FLRT1: variants seen among roughly 807,000 people sequenced by gnomAD.
FLRT1 encodes the protein leucine-rich repeat transmembrane protein FLRT1.
In FLRT1, 14 loss-of-function variants were observed where a neutral mutation model predicts 30.9. That is an observed-to-expected ratio of 0.45 (90% CI 0.30 to 0.71). The LOEUF (loss-of-function observed/expected upper bound fraction) is 0.71. FLRT1 is among the 30% of genes least tolerant of loss of function. FLRT1 has a pLI of 0.08. For synonymous variants in FLRT1, 368 were observed against 430.4 expected (o/e 0.85, Z 1.80); for missense variants, 737 against 949.2 (o/e 0.78, Z 2.94).
intron 1 of FLRT1, among the ~76,000 whole-genome samples, chr11:64,056,544 G>A (rs549716937): frequency 3.3e-5 from 5 of 152,328 alleles, no homozygotes; most frequent in South Asian, 4.1e-4. Flanking sequence ...GGCAACAGCC[G>A]GGGGCCTGGC....
chr11:64,102,232 C>T (rs936043767), intron 1 of FLRT1, among the ~76,000 whole-genome samples: 2 of 152,298 alleles, frequency 1.3e-5, no homozygotes, highest in Middle Eastern at 3.4e-3. Flanking sequence ...ACCAGGGCGC[C>T]GCGGCCCTTC....
intron 1 of FLRT1, among the ~76,000 whole-genome samples, chr11:64,042,826 G>T (rs1393926968): frequency 6.6e-6 from 1 of 152,158 alleles, no homozygotes; most frequent in Non-Finnish European, 1.5e-5. Flanking sequence ...CCCCCACCAG[G>T]CTTGGGCTAG....
At chr11:64,060,132 T>TA (rs1216616985) in intron 1 of FLRT1, among the ~76,000 whole-genome samples, 1 of 152,366 alleles carries the variant, frequency 6.6e-6, no homozygotes, top group East Asian at 1.9e-4. Flanking sequence ...TTTGTTTAAT[T>TA]AGTGTTCTGT....
chr11:64,047,440 G>A (rs72916402), intron 1 of FLRT1, among the ~76,000 whole-genome samples: 124 of 152,228 alleles, frequency 8.1e-4, no homozygotes, highest in Non-Finnish European at 1.2e-3. Flanking sequence ...GTCCTGTTCC[G>A]TTTCACCCCC....
At chr11:64,102,531 A>G (rs1231658018) in intron 1 of FLRT1, among the ~76,000 whole-genome samples, 1 of 152,160 alleles carries the variant, frequency 6.6e-6, no homozygotes, top group African/African-American at 2.4e-5. Context: ...GACATTTAGC[A>G]AGAAGAGCAG....
At chr11:64,044,775 A>C (rs2134396391) in intron 1 of FLRT1, among the ~76,000 whole-genome samples, 1 of 152,188 alleles carries the variant, frequency 6.6e-6, no homozygotes, top group African/African-American at 2.4e-5. Flanking sequence ...CTCCCCCCTC[A>C]CCAGACCCCT....
intron 2 of FLRT1, among the ~76,000 whole-genome samples, chr11:64,107,367 T>C (rs1445170365): frequency 7.4e-6 from 1 of 135,086 alleles, no homozygotes; most frequent in Non-Finnish European, 1.5e-5. Flanking sequence ...CCTTGAATGG[T>C]TTAATATCGA....
intron 1 of FLRT1, among the ~76,000 whole-genome samples, chr11:64,050,114 T>G (rs1226434438): frequency 6.6e-6 from 1 of 152,150 alleles, no homozygotes; most frequent in African/African-American, 2.4e-5. Context: ...CCCTCGGTCC[T>G]TATGCCCCAC....
chr11:64,111,493 G>A (rs902169519), intron 2 of FLRT1, among the ~76,000 whole-genome samples: 17 of 152,294 alleles, frequency 1.1e-4, no homozygotes, highest in East Asian at 5.8e-4. Flanking sequence ...TAACCTTCAC[G>A]AGCCTGGCTC....
At chr11:64,112,804 T>C (rs1205442614) in intron 2 of FLRT1, among the ~76,000 whole-genome samples, 7 of 152,130 alleles carry the variant, frequency 4.6e-5, no homozygotes, top group East Asian at 1.9e-4. Context: ...GGGTGCCACA[T>C]AGGATTGCAC....
At chr11:64,039,080 C>T (rs1590823900) in intron 1 of FLRT1, among the ~76,000 whole-genome samples, 1 of 152,248 alleles carries the variant, frequency 6.6e-6, no homozygotes, top group Admixed American at 6.5e-5. Context: ...CTGAGGTGGC[C>T]CTCATCCCCT....
At chr11:64,102,987 G>A (rs672553) in intron 1 of FLRT1, among the ~76,000 whole-genome samples, 60,889 of 151,694 alleles carry the variant, frequency 0.4, 14,995 homozygotes, top group Non-Finnish European at 0.55. Flanking sequence ...AGGGGAATCG[G>A]TTGAACCTGG....
At chr11:64,040,184 A>C (rs1943458399) in intron 1 of FLRT1, among the ~76,000 whole-genome samples, 1 of 151,966 alleles carries the variant, frequency 6.6e-6, no homozygotes, top group South Asian at 2.1e-4. Context: ...CATTAGTCAG[A>C]TCTACCTCTT....
At chr11:64,046,848 T>C (rs1590834617) in intron 1 of FLRT1, among the ~76,000 whole-genome samples, 2 of 152,136 alleles carry the variant, frequency 1.3e-5, no homozygotes, top group Non-Finnish European at 2.9e-5. Flanking sequence ...TGTGAAGTCT[T>C]CCCCATCCCT....
chr11:64,101,390 C>T (rs759278665), intron 1 of FLRT1, among the ~76,000 whole-genome samples: 1 of 152,130 alleles, frequency 6.6e-6, no homozygotes, highest in Non-Finnish European at 1.5e-5. Flanking sequence ...AACCTGCCTC[C>T]TTTTTGGGTT....
intron 1 of FLRT1, among the ~76,000 whole-genome samples, chr11:64,069,404 C>T (rs1022306484): frequency 2.6e-5 from 4 of 152,252 alleles, no homozygotes; most frequent in Admixed American, 6.5e-5. Context: ...GACCTTCTCC[C>T]TGCCATCTGG....
At chr11:64,099,925 A>C (rs1590906988) in intron 1 of FLRT1, among the ~76,000 whole-genome samples, 1 of 152,088 alleles carries the variant, frequency 6.6e-6, no homozygotes, top group East Asian at 1.9e-4. Flanking sequence ...GGATGGATGG[A>C]GGGGTGCACA....
Position 64,063,729 on chromosome 11 carries a change from C to G in FLRT1, c.-1038+27570C>G, listed in dbSNP as rs149164180. Among the ~76,000 whole-genome samples, 126 of 152,330 alleles carry G rather than the reference C, an allele frequency of 8.3e-4. 1 individual carries two copies. The highest frequency in any genetic ancestry group is 4.6e-3 in the South Asian group (22 of 4,832). ...AGCGGGTGCTGAAACCTACTCCCCC[C>G]TCCATGGGCAGCCACGCGGTCCTCG... is the stretch of plus-strand genomic sequence containing the variant. On this transcript the variant is annotated intron_variant, in intron 1 of 2. Transcript: ENST00000682287.
At chr11:64,079,407 G>C (rs943303267) in intron 1 of FLRT1, among the ~76,000 whole-genome samples, 1 of 152,106 alleles carries the variant, frequency 6.6e-6, no homozygotes, top group Non-Finnish European at 1.5e-5. Context: ...CGTTGGGGAT[G>C]GGGGGGTGTG....
Sources: gnomAD v4.1 joint callset for allele counts (sites outside exome capture counted in the v4.1 genomes callset) on GRCh38, gnomAD v4.1.1 for gene constraint, MANE v1.5 for transcripts, NCBI Gene and HGNC (gene_info 2026-07-23, HGNC 2026-07-21) for gene names.